Variants in BTBD16 observed in about 807,000 individuals in gnomAD.
BTBD16 encodes BTB domain containing 16.
A neutral mutation model predicts 67.4 loss-of-function variants in BTBD16; 66 were observed. The ratio of observed to expected loss-of-function variants is 0.98; its 90% CI spans 0.80 to 1.20. The LOEUF is 1.20. Ranked by LOEUF, BTBD16 falls within the 50% of genes most tolerant of loss-of-function variation. The pLI, the probability that BTBD16 is intolerant of heterozygous loss-of-function variation, is 0.00. For synonymous variants in BTBD16, 242 were observed against 236.4 expected (o/e 1.02, Z -0.22); for missense variants, 634 against 616.0 (o/e 1.03, Z -0.31).
At chr10:122,301,174 A>G (rs2096393157) in intron 9 of BTBD16, among the ~76,000 whole-genome samples, 1 of 152,148 alleles carries the variant, frequency 6.6e-6, no homozygotes, top group East Asian at 1.9e-4. Context: ...AGGAAAAGAT[A>G]AACATGGCAT....
chr10:122,283,242 G>A (rs1424812946), intron 3 of BTBD16, among the ~76,000 whole-genome samples: 3 of 152,218 alleles, frequency 2.0e-5, no homozygotes, highest in Admixed American at 6.5e-5. Context: ...GGGCTTAGAC[G>A]AAGGCTATAG....
At position 122,296,072 on chromosome 10, in the gene BTBD16, C is replaced by T. The variant is rs186434513; in HGVS notation, c.591-1696C>T. The stretch of plus-strand genomic sequence containing the variant: ...ATACATTCAGCTCTGAACTTGCTAG[C>T]GGCAGATAAAAAGGGAAACTTGATC... On this transcript the variant is annotated intron_variant, in intron 7 of 15. Coordinates refer to ENST00000260723, the MANE Select transcript of BTBD16 (RefSeq NM_144587.5). 4.6e-3 allele frequency among the ~76,000 whole-genome samples: 696 copies of T among 151,786 alleles called. 2 individuals carry two copies. Among genetic ancestry groups the T allele is most frequent in the Non-Finnish European group, 7.8e-3 (533 of 67,950 alleles).
intron 3 of BTBD16, among the ~76,000 whole-genome samples, chr10:122,277,901 C>A (rs965155819): frequency 6.6e-5 from 10 of 152,192 alleles, no homozygotes; most frequent in Non-Finnish European, 8.8e-5. Flanking sequence ...TGCCATGGAC[C>A]TGGCTTGATG....
intron 11 of BTBD16, among the ~76,000 whole-genome samples, chr10:122,330,674 T>G (rs1042206943): frequency 1.3e-5 from 2 of 152,200 alleles, no homozygotes; most frequent in African/African-American, 4.8e-5. Flanking sequence ...TTGGAGTGAA[T>G]GTATTGGTTC....
At chr10:122,335,297 A>G (rs1275429367) in intron 14 of BTBD16, among the ~76,000 whole-genome samples, 3 of 152,214 alleles carry the variant, frequency 2.0e-5, no homozygotes, top group Non-Finnish European at 2.9e-5. Context: ...TCTTCAATTT[A>G]TACATACAAT....
At chr10:122,330,036 G>T (rs1234973941) in intron 11 of BTBD16, among the ~76,000 whole-genome samples, 1 of 152,124 alleles carries the variant, frequency 6.6e-6, no homozygotes, top group Non-Finnish European at 1.5e-5. Context: ...CAGTCCAGGA[G>T]GCCACCCAGT....
At chr10:122,297,984 T>TTG (rs1353132413) in intron 8 of BTBD16, 147 bp downstream of exon 8, 16 of 695,000 alleles carry the variant, frequency 2.3e-5, no homozygotes, top group South Asian at 6.1e-5. Context: ...ATGAACACAT[T>TTG]TGTGTGTTTT....
chr10:122,294,571 C>T (rs935980933), intron 7 of BTBD16, among the ~76,000 whole-genome samples: 1 of 152,260 alleles, frequency 6.6e-6, no homozygotes, highest in Non-Finnish European at 1.5e-5. Flanking sequence ...CGCTCACACA[C>T]ATACACATGG....
intron 7 of BTBD16, 136 bp from the exon 8 acceptor site, chr10:122,297,632 C>A: frequency 1.1e-6 from 1 of 887,004 alleles, no homozygotes; most frequent in South Asian, 1.6e-5. Flanking sequence ...GGCCAAATGT[C>A]CATACCCCTA....
intron 4 of BTBD16, 107 bp from the exon 5 acceptor site, chr10:122,285,998 T>G: frequency 1.8e-6 from 2 of 1,124,706 alleles, no homozygotes; most frequent in Admixed American, 2.1e-5. Flanking sequence ...GCCTGCTTCA[T>G]GTGCTTAATG....
chr10:122,308,710 A>G (rs2096408064), intron 10 of BTBD16, among the ~76,000 whole-genome samples: 2 of 152,050 alleles, frequency 1.3e-5, no homozygotes, highest in Admixed American at 1.3e-4. Flanking sequence ...TCCCCTGCAC[A>G]CTGTCCAGGC....
intron 9 of BTBD16, among the ~76,000 whole-genome samples, chr10:122,302,919 G>A (rs1207457068): frequency 6.6e-6 from 1 of 152,188 alleles, no homozygotes; most frequent in Non-Finnish European, 1.5e-5. Context: ...ACCCACGTCT[G>A]AGTGGCCTAA....
intron 12 of BTBD16, 45 bp downstream of exon 12, chr10:122,331,303 C>T (rs1374045144): frequency 5.0e-6 from 8 of 1,601,582 alleles, no homozygotes; most frequent in Non-Finnish European, 8.5e-7. Flanking sequence ...AAGTTTATTG[C>T]CTCTCTGACT....
intron 5 of BTBD16, 71 bp downstream of exon 5, chr10:122,286,319 G>T (rs1215505956): frequency 1.3e-6 from 2 of 1,521,706 alleles, no homozygotes; most frequent in Middle Eastern, 1.9e-4. Context: ...CTTGGAACAT[G>T]GTTATCTGTT....
At chr10:122,284,128 C>T (rs918543771) in intron 4 of BTBD16, among the ~76,000 whole-genome samples, 15 of 152,144 alleles carry the variant, frequency 9.9e-5, no homozygotes, top group African/African-American at 3.1e-4. Flanking sequence ...GCTTGGTAAA[C>T]ACATTTTCAT....
chr10:122,292,889 AG>A (rs1465245493), intron 7 of BTBD16, among the ~76,000 whole-genome samples: 1 of 152,266 alleles, frequency 6.6e-6, no homozygotes, highest in African/African-American at 2.4e-5. Flanking sequence ...AGCATTTCTT[AG>A]AATTTCTCCT....
intron 1 of BTBD16, among the ~76,000 whole-genome samples, chr10:122,273,874 T>C (rs1243627890): frequency 1.3e-5 from 2 of 152,238 alleles, no homozygotes; most frequent in South Asian, 2.1e-4. Flanking sequence ...ATTAAGGCAA[T>C]TAAAAGGCAA....
chr10:122,296,069 T>C (rs17561261), intron 7 of BTBD16, among the ~76,000 whole-genome samples: 2,631 of 152,128 alleles, frequency 0.017, 42 homozygotes, highest in Middle Eastern at 0.048. Flanking sequence ...CTGAACTTGC[T>C]AGCGGCAGAT....
intron 7 of BTBD16, among the ~76,000 whole-genome samples, chr10:122,292,509 C>T (rs1362170039): frequency 2.0e-5 from 3 of 152,250 alleles, no homozygotes; most frequent in African/African-American, 4.8e-5. Flanking sequence ...TAACACTGTA[C>T]TATTCCACTT....
Sources: allele counts gnomAD v4.1 joint callset (sites outside exome capture counted in the v4.1 genomes callset), GRCh38; gene constraint gnomAD v4.1.1; transcripts MANE v1.5; gene names NCBI Gene and HGNC (gene_info 2026-07-23, HGNC 2026-07-21).